The following TCF4 variants were observed in gnomAD, a reference collection of about 807,000 sequenced individuals.
TCF4 encodes the protein transcription factor 4.
Under a neutral mutation model 82.1 loss-of-function variants are expected in TCF4, and 3 were observed. The ratio of observed to expected loss-of-function variants is 0.04; its 90% CI spans 0.02 to 0.09. TCF4 has a LOEUF of 0.09. TCF4 is among the 10% of genes least tolerant of loss of function. The probability of loss-of-function intolerance (pLI) is 1.00; values close to 1 mark genes in which losing one functional copy is unlikely to be tolerated. For synonymous variants in TCF4, 276 were observed against 309.6 expected (o/e 0.89, Z 1.14); for missense variants, 518 against 852.7 (o/e 0.61, Z 4.89).
intron 5 of TCF4, among the ~76,000 whole-genome samples, chr18:55,453,678 G>A (rs1180501674): frequency 6.6e-6 from 1 of 152,084 alleles, no homozygotes; most frequent in Non-Finnish European, 1.5e-5. Context: ...GAGTAGGCCG[G>A]AAAGGAAACA....
chr18:55,329,780 A>G (rs2077195199), intron 8 of TCF4, among the ~76,000 whole-genome samples: 1 of 152,224 alleles, frequency 6.6e-6, no homozygotes, highest in African/African-American at 2.4e-5. Context: ...CCAACCAAAG[A>G]CATGAAAATT....
At chr18:55,242,667 T>C (rs2051648714) in intron 15 of TCF4, among the ~76,000 whole-genome samples, 1 of 151,522 alleles carries the variant, frequency 6.6e-6, no homozygotes, top group Non-Finnish European at 1.5e-5. Context: ...AGGAGTGCAG[T>C]GGCATGATCT....
At chr18:55,289,708 G>A (rs1343454381) in intron 8 of TCF4, among the ~76,000 whole-genome samples, 1 of 152,182 alleles carries the variant, frequency 6.6e-6, no homozygotes, top group African/African-American at 2.4e-5. Context: ...TCAATTAAAT[G>A]AGGGCAGCAC....
At position 55,254,592 on chromosome 18, in the gene TCF4, G is replaced by C; in HGVS notation, c.1255C>G (p.His419Asp). 1 of 1,613,742 alleles carries C rather than the reference G, an allele frequency of 6.2e-7. No homozygotes were observed. The highest frequency in any genetic ancestry group is 8.5e-7 in the Non-Finnish European group (1 of 1,179,834). Residue 419 changes from histidine (H) to aspartate (D), a missense_variant, in exon 15 of 20, where the codon CAT becomes GAT. By Grantham distance (81) the His-to-Asp change is moderately conservative. Transcript: ENST00000354452. ...TTATGAGAAGGTCCAATGATTCCAT[G>C]CATGTCCCCATGACCACCAGGCATA... ...TAMPGGHGDMHGIIGPSHNGA... is the reference protein window; with the variant it reads ...TAMPGGHGDMDGIIGPSHNGA...
chr18:55,538,623 T>C (rs1253317699), intron 3 of TCF4, among the ~76,000 whole-genome samples: 1 of 152,170 alleles, frequency 6.6e-6, no homozygotes, highest in Non-Finnish European at 1.5e-5. Flanking sequence ...GGACTTTTAG[T>C]GTTGGTCATC....
chr18:55,334,609 T>C (rs550587266), intron 8 of TCF4, among the ~76,000 whole-genome samples: 1 of 152,210 alleles, frequency 6.6e-6, no homozygotes, highest in Admixed American at 6.5e-5. Flanking sequence ...GAAATGAGAG[T>C]ATATGCTTCA....
chr18:55,612,796 A>C (rs1296836260), intron 2 of TCF4, among the ~76,000 whole-genome samples: 2 of 152,104 alleles, frequency 1.3e-5, no homozygotes, highest in Non-Finnish European at 2.9e-5. Flanking sequence ...GAAAATACAA[A>C]AATTACTTGG....
intron 2 of TCF4, chr18:55,585,925 C>A: frequency 8.0e-7 from 1 of 1,252,078 alleles, no homozygotes. Context: ...TTATTTCGAC[C>A]CTAATTGGTT....
intron 6 of TCF4, chr18:55,402,316 C>G (rs533271407): frequency 2.5e-6 from 2 of 786,266 alleles, no homozygotes; most frequent in South Asian, 5.8e-5. Context: ...ATGTCTGGTA[C>G]GTAAAGGAAA....
chr18:55,449,900 TTCACTACATGATGCTCAAGTTAGCATA>T (rs142833922), intron 5 of TCF4, among the ~76,000 whole-genome samples: 9,157 of 152,270 alleles, frequency 0.06, 432 homozygotes, highest in African/African-American at 0.13. Flanking sequence ...TCTGCCAGAA[TTCACTACATGATGCTCAAGTTAGCATA>T]TCACTTTTGC....
At chr18:55,501,245 AGCATTTAT>A (rs1227754572) in intron 3 of TCF4, among the ~76,000 whole-genome samples, 1 of 152,210 alleles carries the variant, frequency 6.6e-6, no homozygotes, top group Non-Finnish European at 1.5e-5. Flanking sequence ...TATTCATTTT[AGCATTTAT>A]GCAGTTTCCA....
In TCF4 at chr18:55,464,122, C is replaced by T. The variant is rs750116965; in HGVS notation, c.161G>A (p.Ser54Asn). ...HFTGSNVEDR[S>N]SSGSWGNGGH... The stretch of plus-strand genomic sequence containing the variant: ...TCCATTCCCCCAGGACCCTGAGCTA[C>T]TTCTGTCTTCTACATCTAGGGACAA... Residue 54 changes from serine (S) to asparagine (N), a missense_variant, in exon 4 of 20, where the codon AGT becomes AAT. Ser to Asn is a conservative substitution (Grantham distance 46). Around this residue, in one of 7 missense-constraint regions of TCF4, gnomAD observed 80 missense variants for 93.8 expected, o/e 0.85. Coordinates refer to ENST00000354452, the MANE Select transcript of TCF4 (RefSeq NM_001083962.2). 2 of 1,614,066 alleles carry T rather than the reference C, an allele frequency of 1.2e-6. No individual in the cohort carries two copies. The highest frequency in any genetic ancestry group is 2.2e-5 in the South Asian group (2 of 91,080).
At chr18:55,400,384 A>C (rs539408296) in intron 6 of TCF4, among the ~76,000 whole-genome samples, 4 of 152,310 alleles carry the variant, frequency 2.6e-5, no homozygotes, top group Middle Eastern at 3.4e-3. Flanking sequence ...TTTGATTTAA[A>C]TTAGTTTTGT....
At chr18:55,387,937 G>A (rs528498798) in intron 6 of TCF4, among the ~76,000 whole-genome samples, 6 of 152,288 alleles carry the variant, frequency 3.9e-5, no homozygotes, top group African/African-American at 1.4e-4. Flanking sequence ...TGTATTGTGT[G>A]GCTGTGTCTG....
chr18:55,437,496 T>C (rs2095353844), intron 5 of TCF4, among the ~76,000 whole-genome samples: 1 of 152,210 alleles, frequency 6.6e-6, no homozygotes, highest in South Asian at 2.1e-4. Flanking sequence ...CACACAAATA[T>C]CTTAGTGGTA....
chr18:55,506,424 T>C (rs1266276152), intron 3 of TCF4, among the ~76,000 whole-genome samples: 2 of 152,160 alleles, frequency 1.3e-5, no homozygotes. Context: ...TACACACACA[T>C]ATATTCAGAT....
chr18:55,388,551 G>A (rs1250806897), intron 6 of TCF4, among the ~76,000 whole-genome samples: 4 of 152,032 alleles, frequency 2.6e-5, no homozygotes, highest in Non-Finnish European at 5.9e-5. Flanking sequence ...TTTTCTCATT[G>A]GCAGACAGAG....
chr18:55,327,527 T>C (rs1411833834), intron 8 of TCF4, among the ~76,000 whole-genome samples: 4 of 152,184 alleles, frequency 2.6e-5, no homozygotes, highest in African/African-American at 7.2e-5. Flanking sequence ...CTTCCTATGT[T>C]ATCTTGAATT....
chr18:55,305,600 C>G (rs1038936463), intron 8 of TCF4, among the ~76,000 whole-genome samples: 10 of 152,204 alleles, frequency 6.6e-5, no homozygotes, highest in Admixed American at 4.6e-4. Flanking sequence ...ACTAGGATTA[C>G]GGAATGGTAT....
Sources: allele counts gnomAD v4.1 joint callset (sites outside exome capture counted in the v4.1 genomes callset), GRCh38; gene constraint gnomAD v4.1.1; regional missense constraint gnomAD v4.1.1; transcripts MANE v1.5; gene names NCBI Gene and HGNC (gene_info 2026-07-23, HGNC 2026-07-21).